Variants in PTPRD observed in about 807,000 individuals in gnomAD.
PTPRD encodes the protein protein tyrosine phosphatase receptor type D.
A neutral mutation model predicts 214.5 loss-of-function variants in PTPRD; 34 were observed. That is an observed-to-expected ratio of 0.16 (90% CI 0.12 to 0.21). The LOEUF is 0.21. PTPRD is among the 10% of genes least tolerant of loss of function. PTPRD has a pLI of 1.00. For synonymous variants in PTPRD, 1,128 were observed against 845.7 expected (o/e 1.33, Z -5.79); for missense variants, 2,545 against 2,398.7 (o/e 1.06, Z -1.27).
At chr9:9,624,278 T>G (rs1439575325) in intron 7 of PTPRD, among the ~76,000 whole-genome samples, 2 of 150,014 alleles carry the variant, frequency 1.3e-5, no homozygotes, top group Non-Finnish European at 2.9e-5. Context: ...TAGTTTTTTT[T>G]TTGTTTGTTT....
intron 34 of PTPRD, among the ~76,000 whole-genome samples, chr9:8,444,786 G>T (rs906872594): frequency 1.8e-4 from 27 of 152,230 alleles, no homozygotes; most frequent in South Asian, 1.2e-3. Context: ...GGGACGGAGA[G>T]ACTAAAGTAA....
At chr9:9,491,447 C>T (rs904685130) in intron 8 of PTPRD, among the ~76,000 whole-genome samples, 42 of 151,922 alleles carry the variant, frequency 2.8e-4, no homozygotes, top group Admixed American at 1.8e-3. Flanking sequence ...CTAGATCTAA[C>T]GGAAATGTAC....
At chr9:8,755,234 A>G (rs374813354) in intron 11 of PTPRD, among the ~76,000 whole-genome samples, 1 of 134,496 alleles carries the variant, frequency 7.4e-6, no homozygotes, top group Non-Finnish European at 1.5e-5. Context: ...AAAAAAAAAC[A>G]AAAAAAACAA....
intron 12 of PTPRD, among the ~76,000 whole-genome samples, chr9:8,703,617 C>T (rs898760085): frequency 1.5e-4 from 23 of 152,138 alleles, no homozygotes; most frequent in Non-Finnish European, 2.5e-4. Context: ...TTCCCCTCGA[C>T]TTCTCATCCT....
intron 10 of PTPRD, among the ~76,000 whole-genome samples, chr9:9,101,828 TA>T (rs1591640259): frequency 1.3e-5 from 2 of 152,340 alleles, no homozygotes; most frequent in African/African-American, 4.8e-5. Flanking sequence ...TAATCATACA[TA>T]TAGAAAATCT....
chr9:9,714,205 C>T (rs2097780986), intron 7 of PTPRD, among the ~76,000 whole-genome samples: 1 of 151,686 alleles, frequency 6.6e-6, no homozygotes. Flanking sequence ...GATTTATATG[C>T]TACTTTTACC....
At chr9:8,420,122 C>G (rs923308912) in intron 35 of PTPRD, among the ~76,000 whole-genome samples, 1 of 152,114 alleles carries the variant, frequency 6.6e-6, no homozygotes, top group Non-Finnish European at 1.5e-5. Flanking sequence ...TACCAAAATC[C>G]TGACAAATTC....
At chr9:8,648,353 A>T (rs1274272100) in intron 12 of PTPRD, among the ~76,000 whole-genome samples, 1 of 152,220 alleles carries the variant, frequency 6.6e-6, no homozygotes, top group Non-Finnish European at 1.5e-5. Flanking sequence ...GTGCTTAGTA[A>T]GGCTGGCCAT....
intron 11 of PTPRD, among the ~76,000 whole-genome samples, chr9:8,890,968 GA>G (rs1352629337): frequency 6.6e-6 from 1 of 152,086 alleles, no homozygotes; most frequent in Non-Finnish European, 1.5e-5. Context: ...GATTACTGAT[GA>G]GGTAAGCTTT....
intron 14 of PTPRD, among the ~76,000 whole-genome samples, chr9:8,587,670 C>T (rs2093773048): frequency 6.6e-6 from 1 of 152,086 alleles, no homozygotes; most frequent in African/African-American, 2.4e-5. Context: ...TAAAGATATG[C>T]TTAGGTATGA....
Position 10,560,944 on chromosome 9 carries a change from G to A in PTPRD, c.-600+51454C>T, listed in dbSNP as rs2063805254. 2.0e-5 allele frequency among the ~76,000 whole-genome samples: 3 copies of A among 152,182 alleles called. No homozygotes were observed. The South Asian group carries it at 6.2e-4, about 31-fold the overall frequency. On this transcript the variant is annotated intron_variant, in intron 2 of 45. Transcript: ENST00000381196. ...TCAGAGAGTGCTTAACCTAGAAGAAGTGTGATCTTGATGAATGTGGGTGAA... is the reference window on the plus strand; with the variant it reads ...TCAGAGAGTGCTTAACCTAGAAGAAATGTGATCTTGATGAATGTGGGTGAA...
intron 3 of PTPRD, among the ~76,000 whole-genome samples, chr9:10,241,361 A>G (rs901843095): frequency 6.6e-6 from 1 of 151,946 alleles, no homozygotes; most frequent in Non-Finnish European, 1.5e-5. Flanking sequence ...TTTACCCACA[A>G]GAAACGAAAG....
intron 3 of PTPRD, among the ~76,000 whole-genome samples, chr9:10,039,682 A>G (rs1484336792): frequency 1.3e-5 from 2 of 151,760 alleles, no homozygotes; most frequent in South Asian, 2.1e-4. Context: ...TGGGGGAAAA[A>G]AAAACAAAGG....
rs540219599 is a variant in PTPRD at position 9,062,874 on chromosome 9, C to A, written c.-142-44139G>T. On this transcript the variant is annotated intron_variant, in intron 10 of 45. Transcript: ENST00000381196. Reference sequence around the variant, plus strand: ...GCTCGTAAACTTCAGAAATAAATAACTTCCGCTTATGTCACAGGGGTGTTT... The same window carrying A: ...GCTCGTAAACTTCAGAAATAAATAAATTCCGCTTATGTCACAGGGGTGTTT... Among the ~76,000 whole-genome samples, 5 of 152,280 alleles carry A rather than the reference C, an allele frequency of 3.3e-5. No homozygotes were observed. The East Asian group carries it at 9.7e-4, about 29-fold the overall frequency.
intron 5 of PTPRD, among the ~76,000 whole-genome samples, chr9:9,886,930 G>A (rs2071164136): frequency 6.6e-6 from 1 of 152,036 alleles, no homozygotes; most frequent in Admixed American, 6.6e-5. Flanking sequence ...GCACCCAGAT[G>A]CTCCAGTTCT....
intron 14 of PTPRD, among the ~76,000 whole-genome samples, chr9:8,597,827 C>A (rs941183453): frequency 7.9e-5 from 12 of 152,126 alleles, no homozygotes; most frequent in Non-Finnish European, 1.5e-4. Flanking sequence ...TTTCACTCTT[C>A]ATTAACCTCC....
At chr9:8,809,463 C>G (rs939534131) in intron 11 of PTPRD, among the ~76,000 whole-genome samples, 3 of 152,136 alleles carry the variant, frequency 2.0e-5, no homozygotes, top group African/African-American at 7.2e-5. Flanking sequence ...CAACGTCTTT[C>G]CATTTTCCAT....
chr9:10,190,095 G>A (rs559607503), intron 3 of PTPRD, among the ~76,000 whole-genome samples: 3 of 151,046 alleles, frequency 2.0e-5, no homozygotes, highest in East Asian at 2.0e-4. Flanking sequence ...GGCCAGGCGC[G>A]GTGGGTCACG....
intron 33 of PTPRD, among the ~76,000 whole-genome samples, chr9:8,458,137 G>T (rs533824588): frequency 6.6e-6 from 1 of 152,002 alleles, no homozygotes; most frequent in Admixed American, 6.6e-5. Context: ...TGCATTAGAC[G>T]ATGCTTACAT....
Sources: allele counts gnomAD v4.1 joint callset (sites outside exome capture counted in the v4.1 genomes callset), GRCh38; gene constraint gnomAD v4.1.1; transcripts MANE v1.5; gene names NCBI Gene and HGNC (gene_info 2026-07-23, HGNC 2026-07-21).